Variants in KDM4A observed in about 807,000 individuals in gnomAD.
KDM4A encodes lysine demethylase 4A, also known as lysine-specific demethylase 4A.
KDM4A carries 23 observed loss-of-function variants against 127.1 expected under a neutral mutation model. That is an observed-to-expected ratio of 0.18 (90% CI 0.13 to 0.26). The LOEUF is 0.26. KDM4A is among the 10% of genes least tolerant of loss of function. The probability of loss-of-function intolerance (pLI) is 1.00; values close to 1 mark genes in which losing one functional copy is unlikely to be tolerated. For synonymous variants in KDM4A, 443 were observed against 466.5 expected, an observed-to-expected ratio of 0.95 and a Z score of 0.65; for missense variants, 890 against 1,329.1, an observed-to-expected ratio of 0.67 and a Z score of 5.14.
At chr1:43,650,628 G>T (rs1382356667) in intron 1 of KDM4A, 1 of 152,602 alleles carries the variant, frequency 6.6e-6, no homozygotes, top group African/African-American at 2.4e-5. Flanking sequence ...AGGGAAGGGT[G>T]CGGGAGTCCG....
At chr1:43,685,310 C>A (rs1047222204) in intron 12 of KDM4A, among the ~76,000 whole-genome samples, 1 of 152,136 alleles carries the variant, frequency 6.6e-6, no homozygotes, top group African/African-American at 2.4e-5. Flanking sequence ...CACTGCCGAG[C>A]CTCAGCTCCA....
At chr1:43,658,973 ATTAAAT>A (rs1660311360) in intron 3 of KDM4A, among the ~76,000 whole-genome samples, 1 of 150,742 alleles carries the variant, frequency 6.6e-6, no homozygotes, top group African/African-American at 2.4e-5. Flanking sequence ...TTTTTTTTTA[ATTAAAT>A]TTTCAGTATT....
intron 5 of KDM4A, 44 bp from the exon 6 acceptor site, chr1:43,665,652 T>C: frequency 6.2e-7 from 1 of 1,600,044 alleles, no homozygotes; most frequent in Non-Finnish European, 8.6e-7. Flanking sequence ...TTAGCTTCTG[T>C]ACCTGCCCTC....
At position 43,665,598 on chromosome 1, in the gene KDM4A, A is replaced by G. The variant is rs1660483264; in HGVS notation, c.624-98A>G. 3 of 1,115,666 alleles carry G rather than the reference A, an allele frequency of 2.7e-6. No homozygotes were observed. In the South Asian group the frequency reaches 4.0e-5, roughly 15 times the overall value. 69.1% of individuals were successfully genotyped at this position (1,115,666 alleles called of 1,614,324 possible). A position where few individuals can be genotyped will look rare whatever the true frequency, so the allele number is the denominator to read the frequency against. ...TTCTACTGCTTGGGAAGTTAAAAAA[A>G]AAATCTGCTATTTCAAGGTGTTTTG... On this transcript the variant is annotated intron_variant, in intron 5 of 21. Coordinates refer to ENST00000372396, the MANE Select transcript of KDM4A (RefSeq NM_014663.3).
At chr1:43,672,501 CT>C (rs377068138) in intron 11 of KDM4A, among the ~76,000 whole-genome samples, 4,814 of 130,190 alleles carry the variant, frequency 0.037, 94 homozygotes, top group Middle Eastern at 0.084. Context: ...GTTTTTTTTT[CT>C]TTTTTTTTTT....
At chr1:43,674,710 G>C (rs1390201255) in intron 11 of KDM4A, among the ~76,000 whole-genome samples, 2 of 151,866 alleles carry the variant, frequency 1.3e-5, no homozygotes, top group East Asian at 3.9e-4. Context: ...AGTAGAGATG[G>C]GGTTTCACCA....
chr1:43,652,686 T>A (rs571752144), intron 1 of KDM4A, among the ~76,000 whole-genome samples: 1 of 148,072 alleles, frequency 6.8e-6, no homozygotes, highest in Non-Finnish European at 1.5e-5. Context: ...TTTCTTTTTT[T>A]TTTTTTTTTT....
chr1:43,681,222 C>T (rs1411470291), intron 11 of KDM4A, among the ~76,000 whole-genome samples: 1 of 152,126 alleles, frequency 6.6e-6, no homozygotes, highest in Non-Finnish European at 1.5e-5. Flanking sequence ...TGTTCTTTGA[C>T]CTGTGGATCT....
In KDM4A at chr1:43,668,108, TTTTG is replaced by T. The variant is rs1452051531; in HGVS notation, c.1163+93_1163+96del. On this transcript the variant is annotated intron_variant, in intron 9 of 21. Transcript: ENST00000372396. The stretch of plus-strand genomic sequence containing the variant: ...CTGTGGAGAGGCTGTTTCTTGTTTT[TTTTG>T]TTTTGTTTTGTTTTTGTTTTTGTTT... The T allele has an allele frequency of 2.0e-6, 3 of 1,501,664 alleles. No individual in the cohort carries two copies. The African/African-American group carries it at 4.2e-5, about 21-fold the overall frequency. 93.0% of individuals were successfully genotyped at this position (1,501,664 alleles called of 1,614,324 possible).
In KDM4A at chr1:43,690,846, T is replaced by C. The variant is rs751594456; in HGVS notation, c.2039T>C (p.Val680Ala). ...VCMIFQTYHQ[V>A]EFGGFNQNCG... is the part of the protein sequence containing the mutation. The stretch of plus-strand genomic sequence containing the variant: ...TGTACACTTGTTCTTTCCCCTTAGG[T>C]TGAATTTGGAGGCTTTAATCAGAAC... The change falls in exon 14 of 22, where the codon GTT becomes GCT. Residue 680 changes from valine to alanine, a missense_variant and splice_region_variant. Val to Ala is a moderately conservative substitution (Grantham distance 64, BLOSUM62 0). This residue lies in a region of KDM4A where 389 missense variants were observed against 485.9 expected (regional missense o/e 0.80). Coordinates refer to ENST00000372396, the MANE Select transcript of KDM4A (RefSeq NM_014663.3). The C allele has an allele frequency of 6.2e-7, 1 of 1,614,064 alleles. No individual in the cohort carries two copies. Among genetic ancestry groups the C allele is most frequent in the Non-Finnish European group, 8.5e-7 (1 of 1,179,992 alleles).
At chr1:43,669,740 C>T (rs1165263219) in intron 10 of KDM4A, among the ~76,000 whole-genome samples, 1 of 151,874 alleles carries the variant, frequency 6.6e-6, no homozygotes, top group African/African-American at 2.4e-5. Flanking sequence ...CTTCTGCCTC[C>T]TGGGTTCAAG....
chr1:43,671,398 C>T, intron 10 of KDM4A, 107 bp from the exon 11 acceptor site: 6 of 1,239,712 alleles, frequency 4.8e-6, no homozygotes, highest in Non-Finnish European at 6.6e-6. Context: ...GATTGGAAGC[C>T]AGGTCCCATT....
intron 11 of KDM4A, among the ~76,000 whole-genome samples, chr1:43,672,802 T>C (rs778429559): frequency 1.4e-4 from 21 of 152,184 alleles, no homozygotes; most frequent in Admixed American, 2.6e-4. Flanking sequence ...CCTTTTCAAC[T>C]GGGGTAGGCA....
rs376560977 is a variant in KDM4A, at chr1:43,693,873, T to C, written c.2376-121T>C. 2.8e-4 allele frequency: 202 copies of C among 718,180 alleles called. 1 individual carries two copies. The highest frequency in any genetic ancestry group is 2.6e-3 in the African/African-American group (148 of 56,736). 44.5% of individuals were successfully genotyped at this position (718,180 alleles called of 1,614,324 possible). On this transcript the variant is annotated intron_variant, in intron 16 of 21. Transcript: ENST00000372396. The surrounding 1 kb of genome is among the most constrained non-coding windows in gnomAD (Gnocchi z 4.2). Reference sequence around the variant, plus strand: ...TTCTCACCTTCCTGGGTCCCAGGCATGTGCTGGTGGAAGTCAGTGGTCACC... The same window carrying C: ...TTCTCACCTTCCTGGGTCCCAGGCACGTGCTGGTGGAAGTCAGTGGTCACC...
chr1:43,690,858 G>A lies in KDM4A; in HGVS notation c.2051G>A (p.Gly684Asp). 3 of 1,614,140 alleles carry A rather than the reference G, an allele frequency of 1.9e-6. No individual in the cohort carries two copies. Among genetic ancestry groups the A allele is most frequent in the Non-Finnish European group, 2.5e-6 (3 of 1,180,026 alleles). Residue 684 changes from glycine (G) to aspartate (D), a missense_variant, in exon 14 of 22, where the codon GGC (glycine) becomes GAC (aspartate). Transcript: ENST00000372396. ...FQTYHQVEFGGFNQNCGNASD... is the reference protein window; with the variant it reads ...FQTYHQVEFGDFNQNCGNASD... The stretch of plus-strand genomic sequence containing the variant: ...CTTTCCCCTTAGGTTGAATTTGGAG[G>A]CTTTAATCAGAACTGTGGAAATGCT...
At chr1:43,691,852 GA>G (rs1661120235) in intron 15 of KDM4A, among the ~76,000 whole-genome samples, 1 of 152,126 alleles carries the variant, frequency 6.6e-6, no homozygotes, top group African/African-American at 2.4e-5. Flanking sequence ...TAGCCATTTT[GA>G]ATTGGAGCCT....
intron 18 of KDM4A, among the ~76,000 whole-genome samples, chr1:43,696,556 T>C (rs758083539): frequency 1.6e-4 from 24 of 152,102 alleles, no homozygotes; most frequent in Non-Finnish European, 3.2e-4. Flanking sequence ...TGGGAACATA[T>C]TGTATGTGAG....
chr1:43,672,941 T>C (rs1045297470), intron 11 of KDM4A, among the ~76,000 whole-genome samples: 2 of 152,206 alleles, frequency 1.3e-5, no homozygotes, highest in Non-Finnish European at 2.9e-5. Context: ...CAAGGGTTTT[T>C]TTCTTACACC....
At chr1:43,701,730 C>T (rs1282054998) in intron 19 of KDM4A, among the ~76,000 whole-genome samples, 1 of 152,074 alleles carries the variant, frequency 6.6e-6, no homozygotes, top group South Asian at 2.1e-4. Context: ...TGATGCGATC[C>T]TCCTACCTCT....
Sources: gnomAD v4.1 joint callset for allele counts (sites outside exome capture counted in the v4.1 genomes callset) on GRCh38, gnomAD v4.1.1 for gene constraint, gnomAD v4.1.1 regional missense constraint, Gnocchi (gnomAD v3.1) non-coding constraint, MANE v1.5 for transcripts, NCBI Gene and HGNC (gene_info 2026-07-23, HGNC 2026-07-21) for gene names.